DDX24: variants seen among roughly 807,000 people sequenced by gnomAD.
DDX24 encodes the protein ATP-dependent RNA helicase DDX24.
Under a neutral mutation model 68.9 loss-of-function variants are expected in DDX24, and 24 were observed. That is an observed-to-expected ratio of 0.35 (90% CI 0.25 to 0.49). The LOEUF is 0.49. Among genes scored for constraint, DDX24 ranks in the 20% least tolerant of loss-of-function variants. The pLI is 0.99. For missense variants in DDX24, 989 were observed against 1,039.0 expected, an observed-to-expected ratio of 0.95 and a Z score of 0.66; for synonymous variants, 395 against 385.2, an observed-to-expected ratio of 1.03 and a Z score of -0.30.
At chr14:94,067,541 T>G (rs1447214218) in intron 2 of DDX24, among the ~76,000 whole-genome samples, 1 of 152,166 alleles carries the variant, frequency 6.6e-6, no homozygotes, top group Non-Finnish European at 1.5e-5. Context: ...CATTAGGTTA[T>G]ACAAAGTTAA....
At chr14:94,059,661 C>T (rs932500649) in intron 5 of DDX24, among the ~76,000 whole-genome samples, 1 of 152,058 alleles carries the variant, frequency 6.6e-6, no homozygotes, top group Non-Finnish European at 1.5e-5. Context: ...AATTAAAGTA[C>T]AGAGAAATTA....
chr14:94,077,718 T>A (rs921399972), intron 2 of DDX24, among the ~76,000 whole-genome samples: 2 of 152,204 alleles, frequency 1.3e-5, no homozygotes, highest in African/African-American at 4.8e-5. Context: ...TCCTCACTCT[T>A]CCATCTATAT....
intron 2 of DDX24, among the ~76,000 whole-genome samples, chr14:94,072,946 A>G (rs1885862385): frequency 6.6e-6 from 1 of 152,124 alleles, no homozygotes; most frequent in Non-Finnish European, 1.5e-5. Flanking sequence ...AAAGGAAAAA[A>G]AAATTTAAAA....
chr14:94,080,013 C>T (rs1326904647), intron 1 of DDX24, among the ~76,000 whole-genome samples: 1 of 152,192 alleles, frequency 6.6e-6, no homozygotes, highest in African/African-American at 2.4e-5. Context: ...GCCTGTGTGA[C>T]CTTGGATAGT....
In DDX24 at chr14:94,079,190, G is replaced by C; in HGVS notation, c.553C>G (p.His185Asp). ...GCTGACACATCTGCTTTCTGATCAT[G>C]AACTTCAGGAATCCATGTCTTCGCT... ...KKAKTWIPEV[H>D]DQKADVSAWK... Residue 185 changes from histidine (H) to aspartate (D), a missense_variant, in exon 2 of 9, where the codon CAT becomes GAT. Physicochemically the swap from His to Asp is moderately conservative, Grantham distance 81 (BLOSUM62 -1). Coordinates refer to ENST00000621632, the MANE Select transcript of DDX24 (RefSeq NM_020414.4). The C allele has an allele frequency of 6.2e-7, 1 of 1,614,224 alleles. No individual in the cohort carries two copies. The highest frequency in any genetic ancestry group is 1.1e-5 in the South Asian group (1 of 91,080).
intron 5 of DDX24, 35 bp downstream of exon 5, chr14:94,060,063 T>C (rs755058264): frequency 1.3e-6 from 2 of 1,566,860 alleles, no homozygotes; most frequent in African/African-American, 1.4e-5. Context: ...AGTAACTAAC[T>C]AGAGGTTAAG....
chr14:94,052,907 C>T (rs1885415101), intron 8 of DDX24, 91 bp downstream of exon 8: 15 of 1,498,854 alleles, frequency 1.0e-5, no homozygotes, highest in Non-Finnish European at 1.3e-5. Flanking sequence ...CTGATTTTGA[C>T]AAGACCCACA....
At position 94,061,057 on chromosome 14, in the gene DDX24, G is replaced by C; in HGVS notation, c.1253C>G (p.Thr418Ser). ...DAVARFTGIK[T>S]AILVGGMSTQ... ...GGACATTCCACCAACCAAAATAGCA[G>C]TTTTAATTCCTATGGGACAGAAAAC... The change falls in exon 4 of 9, where the codon ACT becomes AGT. Residue 418 changes from threonine to serine, a missense_variant. Physicochemically the swap from Thr to Ser is moderately conservative, Grantham distance 58. Around this residue, in one of 3 missense-constraint regions of DDX24, gnomAD observed 691 missense variants for 760.0 expected, o/e 0.91. Transcript: ENST00000621632. 1 of 1,614,098 alleles carries C rather than the reference G, an allele frequency of 6.2e-7. No individual in the cohort carries two copies. The highest frequency in any genetic ancestry group is 2.2e-5 in the East Asian group (1 of 44,888).
chr14:94,069,033 T>C lies in DDX24; in HGVS notation c.719-6412A>G, dbSNP rs181674510. 1.8e-4 allele frequency among the ~76,000 whole-genome samples: 27 copies of C among 151,670 alleles called. 1 individual carries two copies. The highest frequency in any genetic ancestry group is 1.3e-3 in the South Asian group (6 of 4,794). The stretch of plus-strand genomic sequence containing the variant: ...AAGATCAGAGCAGAACTAAATGAAA[T>C]TGAAACAAACAAACAAAAAAACAAA... On this transcript the variant is annotated intron_variant, in intron 2 of 8. Coordinates refer to ENST00000621632, the MANE Select transcript of DDX24 (RefSeq NM_020414.4).
chr14:94,081,098 C>T (rs554506269), intron 1 of DDX24, 21 bp downstream of exon 1: 1 of 152,440 alleles, frequency 6.6e-6, no homozygotes, highest in Admixed American at 6.5e-5. Flanking sequence ...CGGCTCCAAC[C>T]CCGCTCGTTT....
chr14:94,052,854 C>G lies in DDX24; in HGVS notation c.2308+144G>C, dbSNP rs1366782424. On this transcript the variant is annotated intron_variant, in intron 8 of 8. Coordinates refer to ENST00000621632, the MANE Select transcript of DDX24 (RefSeq NM_020414.4). ...GACTGACCGAGGGCAGTAGGCTCACCTGGGACCAGGGCCTGTTAGCAAAGA... is the reference window on the plus strand; with the variant it reads ...GACTGACCGAGGGCAGTAGGCTCACGTGGGACCAGGGCCTGTTAGCAAAGA... 1.8e-5 allele frequency: 21 copies of G among 1,194,896 alleles called. 1 individual carries two copies. Among genetic ancestry groups the G allele is most frequent in the Non-Finnish European group, 2.3e-5 (20 of 865,720 alleles). The allele number at this position is 1,194,896 out of a possible 1,614,324, so 74.0% of individuals were successfully genotyped here.
chr14:94,072,249 CA>C (rs2141433757), intron 2 of DDX24, among the ~76,000 whole-genome samples: 1 of 152,284 alleles, frequency 6.6e-6, no homozygotes, highest in East Asian at 1.9e-4. Flanking sequence ...GTGGTATATA[CA>C]GGATGGAATA....
chr14:94,057,564 AG>A (rs1885514235), intron 6 of DDX24: 1 of 448,100 alleles, frequency 2.2e-6, no homozygotes, highest in African/African-American at 2.0e-5. Flanking sequence ...CCCATTTCAC[AG>A]AAAAAACTAA....
intron 5 of DDX24, 106 bp from the exon 6 acceptor site, chr14:94,058,003 T>C: frequency 9.7e-7 from 1 of 1,030,912 alleles, no homozygotes; most frequent in African/African-American, 1.6e-5. Context: ...ACCAATACTC[T>C]GTAAGATATC....
At chr14:94,067,113 AAT>A (rs1394560172) in intron 2 of DDX24, among the ~76,000 whole-genome samples, 13 of 152,166 alleles carry the variant, frequency 8.5e-5, no homozygotes, top group Admixed American at 8.5e-4. Context: ...TGGAGGGAGA[AAT>A]ATTAAAGGAA....
Position 94,048,946 on chromosome 14 carries a change from C to T in DDX24, c.*2245G>A, listed in dbSNP as rs118141241. On this transcript the variant is annotated 3_prime_UTR_variant, in exon 9 of 9. Coordinates refer to ENST00000621632, the MANE Select transcript of DDX24 (RefSeq NM_020414.4). ...GTTTCCATAACTACTTTTGTCCTGG[C>T]TTCTTAATACTGGGTACCTGGCATG... is the stretch of plus-strand genomic sequence containing the variant. The T allele has an allele frequency of 9.4e-3, 1,438 of 152,376 alleles. 9 individuals are homozygous for T. The highest frequency in any genetic ancestry group is 0.015 in the Non-Finnish European group (1,046 of 68,046). The allele number at this position is 152,376 out of a possible 1,614,324, so 9.4% of individuals were successfully genotyped here.
chr14:94,069,318 A>G (rs1040347906), intron 2 of DDX24, among the ~76,000 whole-genome samples: 7 of 152,312 alleles, frequency 4.6e-5, no homozygotes, highest in African/African-American at 1.7e-4. Context: ...AGTCAGGAAG[A>G]ATGAGATACC....
chr14:94,074,052 A>G (rs1567061971), intron 2 of DDX24, among the ~76,000 whole-genome samples: 1 of 151,946 alleles, frequency 6.6e-6, no homozygotes, highest in Non-Finnish European at 1.5e-5. Context: ...CAAAAAAAAA[A>G]AAAAAGAAAA....
At chr14:94,055,379 G>C (rs1398694281) in intron 6 of DDX24, 195 bp from the exon 7 acceptor site, 2 of 592,376 alleles carry the variant, frequency 3.4e-6, no homozygotes, top group Non-Finnish European at 2.9e-6. Flanking sequence ...CCCATTCACT[G>C]TGTAGGCTCT....
Sources: gnomAD v4.1 joint callset for allele counts (sites outside exome capture counted in the v4.1 genomes callset) on GRCh38, gnomAD v4.1.1 for gene constraint, gnomAD v4.1.1 regional missense constraint, MANE v1.5 for transcripts, NCBI Gene and HGNC (gene_info 2026-07-23, HGNC 2026-07-21) for gene names.